NUCB2: variants seen among roughly 807,000 people sequenced by gnomAD.
The protein encoded by NUCB2 is nucleobindin-2.
A neutral mutation model predicts 57.9 loss-of-function variants in NUCB2; 48 were observed. The observed-to-expected ratio is 0.83, with a 90% confidence interval of 0.66 to 1.05. The LOEUF (loss-of-function observed/expected upper bound fraction) is 1.05, where lower values mean the gene tolerates loss of function less well. NUCB2 is among the 50% of genes least tolerant of loss of function. NUCB2 has a pLI of 0.00. For missense variants in NUCB2, 442 were observed against 476.2 expected (o/e 0.93, Z 0.67); for synonymous variants, 139 against 152.1 (o/e 0.91, Z 0.64).
chr11:17,285,298 G>A (rs1943478940), intron 2 of NUCB2, among the ~76,000 whole-genome samples: 1 of 152,112 alleles, frequency 6.6e-6, no homozygotes, highest in Admixed American at 6.6e-5. Context: ...GGCGTGGCTG[G>A]GTGAGGTGGC....
At chr11:17,296,396 A>T (rs1434808408) in intron 4 of NUCB2, among the ~76,000 whole-genome samples, 185 bp downstream of exon 4, 1 of 152,152 alleles carries the variant, frequency 6.6e-6, no homozygotes, top group Non-Finnish European at 1.5e-5. Context: ...ATATTTAACA[A>T]ACATTTGCAC....
intron 5 of NUCB2, among the ~76,000 whole-genome samples, chr11:17,309,356 A>T (rs901287289): frequency 6.6e-6 from 1 of 152,066 alleles, no homozygotes; most frequent in South Asian, 2.1e-4. Flanking sequence ...AAAAATATAC[A>T]TGTTAAATTG....
chr11:17,315,551 T>C, intron 11 of NUCB2, 76 bp downstream of exon 11: 1 of 810,736 alleles, frequency 1.2e-6, no homozygotes, highest in Non-Finnish European at 2.0e-6. Flanking sequence ...TAACTTTTAT[T>C]CCCCATTATG....
At chr11:17,280,512 C>A (rs1180380181) in intron 1 of NUCB2, among the ~76,000 whole-genome samples, 2 of 152,222 alleles carry the variant, frequency 1.3e-5, no homozygotes, top group Admixed American at 1.3e-4. Flanking sequence ...TATTTTTCTT[C>A]ACCCTACCCT....
downstream of NUCB2, chr11:17,332,446 T>C (rs1165223692): frequency 2.0e-5 from 3 of 151,134 alleles, no homozygotes; most frequent in African/African-American, 4.9e-5. Context: ...CAACTTTGGA[T>C]TTTAAACTCA....
chr11:17,314,036 C>A (rs1226917945), intron 10 of NUCB2, among the ~76,000 whole-genome samples: 2 of 152,014 alleles, frequency 1.3e-5, no homozygotes, highest in Admixed American at 1.3e-4. Context: ...CTTCTTCAAA[C>A]CCAGATCTGT....
intron 10 of NUCB2, among the ~76,000 whole-genome samples, chr11:17,314,090 A>T (rs1948901473): frequency 6.6e-6 from 1 of 151,692 alleles, no homozygotes; most frequent in Non-Finnish European, 1.5e-5. Context: ...ATCATAATTC[A>T]TCTAGTTGCT....
intron 4 of NUCB2, among the ~76,000 whole-genome samples, 174 bp from the exon 5 acceptor site, chr11:17,301,570 C>T (rs528234890): frequency 2.0e-5 from 3 of 152,128 alleles, no homozygotes; most frequent in African/African-American, 4.8e-5. Context: ...TGAGCCACCA[C>T]GCCCGGCCCT....
chr11:17,305,799 T>C (rs1022067489), intron 5 of NUCB2, among the ~76,000 whole-genome samples: 14 of 151,968 alleles, frequency 9.2e-5, no homozygotes, highest in East Asian at 1.9e-4. Context: ...TTTTCTTTTT[T>C]TTTTGGAGAG....
intron 2 of NUCB2, among the ~76,000 whole-genome samples, chr11:17,345,564 G>A (rs1304892559): frequency 3.3e-5 from 5 of 152,058 alleles, no homozygotes; most frequent in Non-Finnish European, 7.4e-5. Context: ...AAAATTAGCC[G>A]GGCGTGGTGG....
chr11:17,347,395 C>A (rs1952830095), intron 2 of NUCB2, among the ~76,000 whole-genome samples: 1 of 152,128 alleles, frequency 6.6e-6, no homozygotes, highest in African/African-American at 2.4e-5. Flanking sequence ...ATTTTGGGGA[C>A]CCAAAATATT....
intron 2 of NUCB2, among the ~76,000 whole-genome samples, chr11:17,292,727 T>C (rs1167927976): frequency 2.0e-5 from 3 of 152,224 alleles, no homozygotes; most frequent in Non-Finnish European, 2.9e-5. Context: ...CTCAGTTTCT[T>C]GTACTTTGAA....
At chr11:17,336,059 G>A (rs532430393), downstream of NUCB2, among the ~76,000 whole-genome samples, 3 of 151,818 alleles carry the variant, frequency 2.0e-5, no homozygotes, top group East Asian at 3.9e-4. Flanking sequence ...TTTGGATTTC[G>A]GATTTTTTTG....
At chr11:17,295,745 A>C in intron 3 of NUCB2, 1 of 404,670 alleles carries the variant, frequency 2.5e-6, no homozygotes, top group South Asian at 3.0e-5. Flanking sequence ...ATCGTAATAC[A>C]TTTCCAACAC....
chr11:17,296,261 T>G, intron 4 of NUCB2, 50 bp downstream of exon 4: 1 of 1,180,704 alleles, frequency 8.5e-7, no homozygotes, highest in Non-Finnish European at 1.2e-6. Context: ...ATTTAAAATT[T>G]TTTTAGAGAT....
intron 10 of NUCB2, among the ~76,000 whole-genome samples, chr11:17,313,164 T>C (rs1591455970): frequency 2.0e-5 from 3 of 152,152 alleles, no homozygotes; most frequent in Middle Eastern, 3.4e-3. Context: ...GCCTTTAGTA[T>C]GAATAAAATA....
chr11:17,302,357 A>G (rs1946883726), intron 5 of NUCB2, among the ~76,000 whole-genome samples: 1 of 152,164 alleles, frequency 6.6e-6, no homozygotes, highest in Non-Finnish European at 1.5e-5. Context: ...AATCAGTATA[A>G]TAAGCCATAA....
At chr11:17,300,279 T>C (rs1946486006) in intron 4 of NUCB2, among the ~76,000 whole-genome samples, 1 of 152,230 alleles carries the variant, frequency 6.6e-6, no homozygotes, top group African/African-American at 2.4e-5. Context: ...CCCAAAGTTC[T>C]GGGATAACAG....
chr11:17,285,784 C>A (rs1056883712), intron 2 of NUCB2, among the ~76,000 whole-genome samples: 2 of 146,352 alleles, frequency 1.4e-5, no homozygotes, highest in African/African-American at 5.1e-5. Context: ...AAAGGAGGAA[C>A]AGAGACTACT....
Sources: allele counts gnomAD v4.1 joint callset (sites outside exome capture counted in the v4.1 genomes callset), GRCh38; gene constraint gnomAD v4.1.1; transcripts MANE v1.5; gene names NCBI Gene and HGNC (gene_info 2026-07-23, HGNC 2026-07-21).